The following GPT2 variants were observed in gnomAD, a reference collection of about 807,000 sequenced individuals.
GPT2 encodes the protein glutamic--pyruvic transaminase 2, also known as alanine aminotransferase 2.
Under a neutral mutation model 56.9 loss-of-function variants are expected in GPT2, and 30 were observed. The observed-to-expected ratio is 0.53, with a 90% CI of 0.39 to 0.72. GPT2 has a LOEUF of 0.72. GPT2 is among the 30% of genes least tolerant of loss of function. GPT2 has a pLI of 0.00. For missense variants in GPT2, 542 were observed against 703.4 expected, an observed-to-expected ratio of 0.77 and a Z score of 2.60; for synonymous variants, 271 against 283.1, an observed-to-expected ratio of 0.96 and a Z score of 0.43.
intron 3 of GPT2, among the ~76,000 whole-genome samples, chr16:46,898,985 T>TAACAC: frequency 7.1e-6 from 1 of 140,176 alleles, no homozygotes; most frequent in African/African-American, 2.7e-5. Context: ...CATATATATA[T>TAACAC]ATATATAACA....
intron 4 of GPT2, among the ~76,000 whole-genome samples, chr16:46,901,162 G>A (rs1317272236): frequency 1.3e-5 from 2 of 152,224 alleles, no homozygotes; most frequent in Non-Finnish European, 2.9e-5. Context: ...TTGCCTCTCT[G>A]TGGCCTCCAG....
At chr16:46,903,208 C>T (rs1408519546) in intron 4 of GPT2, among the ~76,000 whole-genome samples, 1 of 151,948 alleles carries the variant, frequency 6.6e-6, no homozygotes, top group Non-Finnish European at 1.5e-5. Context: ...GAGATCATGC[C>T]ATTGCACTCC....
chr16:46,916,695 C>T lies in GPT2; in HGVS notation c.888C>T (p.Leu296=), dbSNP rs1961174535. 1 of 1,611,682 alleles carries T rather than the reference C, an allele frequency of 6.2e-7. No individual in the cohort carries two copies. The highest frequency in any genetic ancestry group is 8.5e-7 in the Non-Finnish European group (1 of 1,177,822). Residue 296 remains leucine, a synonymous_variant, in exon 7 of 12, where the codon CTC becomes CTT. Coordinates refer to ENST00000340124, the MANE Select transcript of GPT2 (RefSeq NM_133443.4). The part of the protein sequence containing the change: ...IHFAWEEKLF[L]LADEVYQDNV... ...TTGCCTGGGAAGAGAAGCTCTTTCT[C>T]CTGGCTGATGAGGTAAGAATGTCCC... is the stretch of plus-strand genomic sequence containing the variant.
chr16:46,905,060 T>C (rs1259063843), intron 4 of GPT2, among the ~76,000 whole-genome samples: 2 of 129,506 alleles, frequency 1.5e-5, no homozygotes, highest in African/African-American at 5.4e-5. Context: ...AGTTCAGGGC[T>C]TTTTTTTTTT....
chr16:46,895,729 G>A (rs1221939868), intron 2 of GPT2, among the ~76,000 whole-genome samples: 1 of 152,136 alleles, frequency 6.6e-6, no homozygotes, highest in African/African-American at 2.4e-5. Context: ...TGGGCAACTT[G>A]AAAGTGTTGC....
chr16:46,916,561 C>A, intron 6 of GPT2, 67 bp from the exon 7 acceptor site: 1 of 1,214,082 alleles, frequency 8.2e-7, no homozygotes, highest in Non-Finnish European at 1.2e-6. Flanking sequence ...TCTGGATGGG[C>A]TTCTGACCTG....
In GPT2 at chr16:46,930,445, TG is replaced by T. The variant is rs3217619; in HGVS notation, c.*1449del. The T allele has an allele frequency of 0.3, 45,632 of 152,200 alleles. 8,556 individuals carry two copies. Among genetic ancestry groups the T allele is most frequent in the East Asian group, 0.77 (4,004 of 5,174 alleles). The allele number at this position is 152,200 out of a possible 1,614,324, so 9.4% of individuals were successfully genotyped here. On this transcript the variant is annotated 3_prime_UTR_variant, in exon 12 of 12. Transcript: ENST00000340124. ...AGGAGTGAGGCAGCAGCCTCTATGCTGTGATTTCCACACCGGGTCCGTGCAG... is the reference window on the plus strand; with the variant it reads ...AGGAGTGAGGCAGCAGCCTCTATGCTTGATTTCCACACCGGGTCCGTGCAG...
chr16:46,885,256 A>C, intron 2 of GPT2: 2 of 1,157,332 alleles, frequency 1.7e-6, no homozygotes, highest in Non-Finnish European at 2.1e-6. Context: ...CGTGGAACCA[A>C]GGTCCAGTGG....
At chr16:46,918,529 C>T in intron 7 of GPT2, 92 bp from the exon 8 acceptor site, 2 of 1,462,682 alleles carry the variant, frequency 1.4e-6, no homozygotes, top group Non-Finnish European at 1.9e-6. Flanking sequence ...GCCTCATGGC[C>T]CACAGCACCT....
chr16:46,930,808 A>T lies in GPT2; in HGVS notation c.*1811A>T, dbSNP rs1212240700. 5 of 152,598 alleles carry T rather than the reference A, an allele frequency of 3.3e-5. No individual in the cohort carries two copies. Among genetic ancestry groups the T allele is most frequent in the African/African-American group, 1.2e-4 (5 of 41,438 alleles). The allele number at this position is 152,598 out of a possible 1,614,324, so 9.5% of individuals were successfully genotyped here. A position where few individuals can be genotyped will look rare whatever the true frequency, so the allele number is the denominator to read the frequency against. On this transcript the variant is annotated 3_prime_UTR_variant, in exon 12 of 12. Coordinates refer to ENST00000340124, the MANE Select transcript of GPT2 (RefSeq NM_133443.4). ...TTCAGATTATAAACAGCCCCTAAAA[A>T]CTTTACAACGTTTACACAGTTTTTT... is the stretch of plus-strand genomic sequence containing the variant.
chr16:46,907,105 C>T (rs1266228323), intron 5 of GPT2, 130 bp downstream of exon 5: 2 of 1,126,722 alleles, frequency 1.8e-6, no homozygotes, highest in Non-Finnish European at 2.6e-6. Flanking sequence ...TCTGGTCCCC[C>T]AGCCCTGGCA....
intron 9 of GPT2, 114 bp downstream of exon 9, chr16:46,922,530 C>A: frequency 1.0e-6 from 1 of 975,222 alleles, no homozygotes; most frequent in Non-Finnish European, 1.5e-6. Flanking sequence ...GAGGGTGTGG[C>A]CTGCAGGTGC....
chr16:46,916,505 G>A (rs952888371), intron 6 of GPT2, 123 bp from the exon 7 acceptor site: 1 of 756,518 alleles, frequency 1.3e-6, no homozygotes, highest in Admixed American at 1.8e-5. Flanking sequence ...GCCTCTGCGG[G>A]GAGGGTGTTC....
At chr16:46,898,871 C>CAT (rs35282958) in intron 3 of GPT2, among the ~76,000 whole-genome samples, 2,960 of 138,766 alleles carry the variant, frequency 0.021, 63 homozygotes, top group African/African-American at 0.056. Flanking sequence ...TATTTATATA[C>CAT]ATATATATAT....
Position 46,909,862 on chromosome 16 carries a change from T to A in GPT2, c.755T>A (p.Val252Glu). Residue 252 changes from valine (V) to glutamate (E), a missense_variant, in exon 6 of 12, where the codon GTG becomes GAG. Transcript: ENST00000340124. ...AATGTGAATGAGCTCCGGCGGGCGG[T>A]GCAGGAGGCCAAAGACCACTGTGAT... ...ALNVNELRRA[V>E]QEAKDHCDPK... 6.2e-7 allele frequency: 1 copy of A among 1,614,068 alleles called. No individual in the cohort carries two copies.
At chr16:46,925,833 T>TA (rs931015446) in intron 10 of GPT2, among the ~76,000 whole-genome samples, 7 of 149,810 alleles carry the variant, frequency 4.7e-5, no homozygotes, top group South Asian at 2.1e-4. Context: ...TAAATAAATT[T>TA]AAAAAAAAAG....
At chr16:46,893,777 G>C (rs1246785622) in intron 2 of GPT2, among the ~76,000 whole-genome samples, 1 of 152,210 alleles carries the variant, frequency 6.6e-6, no homozygotes, top group Non-Finnish European at 1.5e-5. Context: ...GTGGCTCTGG[G>C]AGGGATATGT....
intron 2 of GPT2, among the ~76,000 whole-genome samples, chr16:46,891,482 C>T (rs1960584214): frequency 6.6e-6 from 1 of 152,034 alleles, no homozygotes; most frequent in African/African-American, 2.4e-5. Flanking sequence ...CAGCTCACTG[C>T]AATCTCCACC....
intron 4 of GPT2, among the ~76,000 whole-genome samples, chr16:46,905,363 T>G (rs987550204): frequency 2.6e-5 from 4 of 152,114 alleles, no homozygotes; most frequent in African/African-American, 9.7e-5. Flanking sequence ...TTCAGAGCAT[T>G]TGACTGTGTT....
Sources: allele counts gnomAD v4.1 joint callset (sites outside exome capture counted in the v4.1 genomes callset), GRCh38; gene constraint gnomAD v4.1.1; transcripts MANE v1.5; gene names NCBI Gene and HGNC (gene_info 2026-07-23, HGNC 2026-07-21).